The following SPAG16 variants were observed in gnomAD, a reference collection of about 807,000 sequenced individuals.
SPAG16 encodes the protein sperm associated antigen 16.
In SPAG16, 86 loss-of-function variants were observed where a neutral mutation model predicts 80.4. That is an observed-to-expected ratio of 1.07 (90% confidence interval 0.90 to 1.28). SPAG16 has a LOEUF of 1.28. Ranked by LOEUF, SPAG16 falls within the 50% of genes most tolerant of loss-of-function variation. The pLI, the probability that SPAG16 is intolerant of heterozygous loss-of-function variation, is 0.00. For synonymous variants in SPAG16, 294 were observed against 265.9 expected (o/e 1.11, Z -1.03); for missense variants, 870 against 765.3 (o/e 1.14, Z -1.61).
chr2:213,454,769 C>T (rs941679182), intron 9 of SPAG16, among the ~76,000 whole-genome samples: 1 of 152,114 alleles, frequency 6.6e-6, no homozygotes, highest in African/African-American at 2.4e-5. Context: ...GGGCTGAGCT[C>T]TTCTTTTACA....
chr2:213,608,129 G>A (rs1226869257), intron 10 of SPAG16, among the ~76,000 whole-genome samples: 1 of 152,026 alleles, frequency 6.6e-6, no homozygotes, highest in Non-Finnish European at 1.5e-5. Context: ...AGGGGAGCAG[G>A]GAGGTGGTGT....
At chr2:213,925,893 C>A (rs558556278) in intron 11 of SPAG16, among the ~76,000 whole-genome samples, 2 of 151,964 alleles carry the variant, frequency 1.3e-5, no homozygotes, top group Non-Finnish European at 2.9e-5. Context: ...TTTTTCCCTC[C>A]TTTTTTTCTT....
intron 15 of SPAG16, among the ~76,000 whole-genome samples, chr2:214,361,072 T>C (rs1051786659): frequency 6.6e-6 from 1 of 151,810 alleles, no homozygotes; most frequent in Non-Finnish European, 1.5e-5. Context: ...GGAGAAGGGA[T>C]TCACAACTGA....
chr2:213,314,583 A>T (rs1470177796), intron 4 of SPAG16, among the ~76,000 whole-genome samples: 1 of 151,928 alleles, frequency 6.6e-6, no homozygotes, highest in East Asian at 1.9e-4. Context: ...CAGAAAATTT[A>T]CCTGATAAAT....
At chr2:213,772,204 A>T (rs181565419) in intron 10 of SPAG16, among the ~76,000 whole-genome samples, 2 of 152,084 alleles carry the variant, frequency 1.3e-5, no homozygotes, top group Admixed American at 6.6e-5. Context: ...CTTTGTAGCA[A>T]TTGTGAATGG....
At chr2:213,542,614 A>G (rs973528107) in intron 10 of SPAG16, among the ~76,000 whole-genome samples, 2 of 152,270 alleles carry the variant, frequency 1.3e-5, no homozygotes, top group African/African-American at 4.8e-5. Flanking sequence ...CAACCAGAAA[A>G]ATCAAAACAA....
chr2:213,527,661 GA>G (rs1488517803), intron 10 of SPAG16, among the ~76,000 whole-genome samples: 3 of 151,850 alleles, frequency 2.0e-5, no homozygotes, highest in African/African-American at 7.3e-5. Context: ...AAGAAATTGC[GA>G]AAAACAAAAA....
At chr2:213,499,265 G>C (rs2074633452) in intron 10 of SPAG16, among the ~76,000 whole-genome samples, 1 of 151,986 alleles carries the variant, frequency 6.6e-6, no homozygotes, top group Admixed American at 6.6e-5. Context: ...TACTATACTA[G>C]AGCTCCTTTC....
At chr2:214,321,183 A>T (rs1696071376) in intron 15 of SPAG16, among the ~76,000 whole-genome samples, 1 of 152,236 alleles carries the variant, frequency 6.6e-6, no homozygotes, top group Non-Finnish European at 1.5e-5. Context: ...TTAGTCTTAA[A>T]TAGGTTTGTT....
intron 15 of SPAG16, among the ~76,000 whole-genome samples, chr2:214,251,322 A>G (rs1309649626): frequency 3.3e-5 from 5 of 152,014 alleles, no homozygotes; most frequent in Non-Finnish European, 4.4e-5. Flanking sequence ...GTATGAGGTC[A>G]ATTTCAAGAA....
chr2:213,757,531 T>C (rs965396948), intron 10 of SPAG16, among the ~76,000 whole-genome samples: 1 of 152,204 alleles, frequency 6.6e-6, no homozygotes, highest in Middle Eastern at 3.2e-3. Flanking sequence ...CAGGAATCTG[T>C]CTTCCCACCT....
intron 10 of SPAG16, among the ~76,000 whole-genome samples, chr2:213,619,925 C>T (rs547048400): frequency 6.6e-6 from 1 of 152,132 alleles, no homozygotes; most frequent in Admixed American, 6.5e-5. Context: ...TGTCCATCAA[C>T]GGATGAATGG....
At chr2:214,143,142 G>A (rs2055449106) in intron 14 of SPAG16, among the ~76,000 whole-genome samples, 1 of 151,108 alleles carries the variant, frequency 6.6e-6, no homozygotes, top group South Asian at 2.1e-4. Context: ...TTTTTTAACT[G>A]TGTGAACTGT....
chr2:213,726,184 A>G (rs2066762341), intron 10 of SPAG16, among the ~76,000 whole-genome samples: 2 of 152,214 alleles, frequency 1.3e-5, no homozygotes, highest in Middle Eastern at 3.2e-3. Context: ...AAAACTTTCC[A>G]GGAGCAACCC....
rs188188480 is a variant in SPAG16, at chr2:213,975,564, A to T, written c.1401-38387A>T. ...AAATAAATACCCTAAAGGCTTTTATAATTAAGTAAAATAGAAAAGAAATAA... is the reference window on the plus strand; with the variant it reads ...AAATAAATACCCTAAAGGCTTTTATTATTAAGTAAAATAGAAAAGAAATAA... On this transcript the variant is annotated intron_variant, in intron 12 of 15. Transcript: ENST00000331683. Among the ~76,000 whole-genome samples the T allele has an allele frequency of 5.9e-3, 902 of 152,066 alleles. 47 individuals carry two copies. Among genetic ancestry groups the T allele is most frequent in the Admixed American group, 0.057 (870 of 15,206 alleles).
intron 10 of SPAG16, among the ~76,000 whole-genome samples, chr2:213,593,345 G>C (rs564724251): frequency 6.6e-6 from 1 of 152,104 alleles, no homozygotes; most frequent in African/African-American, 2.4e-5. Context: ...TCAAATTCAT[G>C]GACTTATCAT....
At chr2:213,911,372 T>G (rs2077657839) in intron 11 of SPAG16, among the ~76,000 whole-genome samples, 2 of 152,104 alleles carry the variant, frequency 1.3e-5, no homozygotes, top group South Asian at 2.1e-4. Flanking sequence ...CTTGAACTCC[T>G]GAGCTCAAGC....
chr2:213,672,827 GTTT>G (rs200763363), intron 10 of SPAG16, among the ~76,000 whole-genome samples: 1 of 143,674 alleles, frequency 7.0e-6, no homozygotes, highest in Admixed American at 6.9e-5. Context: ...TCAATGATCA[GTTT>G]TTTTTTGTTT....
intron 10 of SPAG16, among the ~76,000 whole-genome samples, chr2:213,613,393 C>T (rs13029290): frequency 6.6e-6 from 1 of 152,082 alleles, no homozygotes; most frequent in African/African-American, 2.4e-5. Context: ...GACCTTATCT[C>T]CTAATGCTCT....
Sources: allele counts gnomAD v4.1 joint callset (sites outside exome capture counted in the v4.1 genomes callset), GRCh38; gene constraint gnomAD v4.1.1; transcripts MANE v1.5; gene names NCBI Gene and HGNC (gene_info 2026-07-23, HGNC 2026-07-21).